ZNF829: variants seen among roughly 807,000 people sequenced by gnomAD.
The protein encoded by ZNF829 is zinc finger protein 829.
A neutral mutation model predicts 35.2 loss-of-function variants in ZNF829; 25 were observed. The observed-to-expected ratio is 0.71, with a 90% CI of 0.52 to 0.99. The LOEUF is 0.99. ZNF829 is among the 50% of genes least tolerant of loss of function. ZNF829 has a pLI of 0.00. For synonymous variants in ZNF829, 136 were observed against 163.2 expected, an observed-to-expected ratio of 0.83 and a Z score of 1.27; for missense variants, 417 against 515.3, an observed-to-expected ratio of 0.81 and a Z score of 1.85.
intron 5 of ZNF829, among the ~76,000 whole-genome samples, chr19:36,897,234 CA>C (rs999177813): frequency 6.6e-6 from 1 of 152,110 alleles, no homozygotes; most frequent in Non-Finnish European, 1.5e-5. Context: ...ATACCAAAAC[CA>C]GAGAAGGACA....
intron 5 of ZNF829, among the ~76,000 whole-genome samples, chr19:36,900,357 TA>T (rs112232974): frequency 0.052 from 6,905 of 132,166 alleles, 162 homozygotes; most frequent in South Asian, 0.15. Context: ...GACTCTGTCT[TA>T]AAAAAAAAAA....
At chr19:36,904,501 G>C (rs2073198989) in intron 5 of ZNF829, among the ~76,000 whole-genome samples, 1 of 152,174 alleles carries the variant, frequency 6.6e-6, no homozygotes, top group Admixed American at 6.5e-5. Context: ...CTGGGTTCAA[G>C]CGATTCTCCT....
In ZNF829 at chr19:36,892,213, A is replaced by C; in HGVS notation, c.578T>G (p.Phe193Cys). 1.9e-6 allele frequency: 3 copies of C among 1,614,116 alleles called. No individual in the cohort carries two copies. In the South Asian group the frequency reaches 3.3e-5, roughly 18 times the overall value. ...HYESKEYGKSFSRGSLVTRHQ... is the reference protein window; with the variant it reads ...HYESKEYGKSCSRGSLVTRHQ... ...TCGAGTAACGAGTGAGCCACGACTA[A>C]AGGACTTCCCATACTCCTTAGATTC... The change falls in exon 6 of 6, where the codon TTT (phenylalanine) becomes TGT (cysteine). Residue 193 changes from phenylalanine to cysteine, a missense_variant. Transcript: ENST00000391711.
At chr19:36,901,377 A>G (rs1425725479) in intron 5 of ZNF829, among the ~76,000 whole-genome samples, 24 of 152,164 alleles carry the variant, frequency 1.6e-4, no homozygotes, top group Admixed American at 1.6e-3. Context: ...TAACAGCTAG[A>G]GTGTACAGGG....
At position 36,916,118 on chromosome 19, in the gene ZNF829, C is replaced by T; in HGVS notation, c.-192G>A. 1 of 563,240 alleles carries T rather than the reference C, an allele frequency of 1.8e-6. No individual in the cohort carries two copies. The highest frequency in any genetic ancestry group is 3.1e-6 in the Non-Finnish European group (1 of 326,814). 34.9% of individuals were successfully genotyped at this position (563,240 alleles called of 1,614,324 possible). A position where few individuals can be genotyped will look rare whatever the true frequency, so the allele number is the denominator to read the frequency against. On this transcript the variant is annotated 5_prime_UTR_variant, in exon 1 of 6. It adds an upstream start codon to the 5' untranslated region. Coordinates refer to ENST00000391711, the MANE Select transcript of ZNF829 (RefSeq NM_001037232.4). This position sits in a 1 kb window ranked among gnomAD's most constrained non-coding sequence, Gnocchi z 5.3. The stretch of plus-strand genomic sequence containing the variant: ...GAAATGTAGTCCAGAGCGGGACCCA[C>T]GCCGATTCCTGTCAGCTCCTCGCCT...
chr19:36,914,833 GAGA>G, intron 3 of ZNF829, 129 bp downstream of exon 3: 1 of 758,616 alleles, frequency 1.3e-6, no homozygotes, highest in Non-Finnish European at 2.2e-6. Flanking sequence ...ATAAATATTT[GAGA>G]AGAAAATTCA....
At position 36,892,059 on chromosome 19, in the gene ZNF829, T is replaced by A; in HGVS notation, c.732A>T (p.Glu244Asp). The A allele has an allele frequency of 1.2e-6, 2 of 1,614,042 alleles. No homozygotes were observed. The highest frequency in any genetic ancestry group is 1.7e-6 in the Non-Finnish European group (2 of 1,179,980). The change falls in exon 6 of 6, where the codon GAA (glutamate) becomes GAT (aspartate). Residue 244 changes from glutamate (E) to aspartate (D), a missense_variant. Glu to Asp is a conservative substitution (Grantham distance 45). Coordinates refer to ENST00000391711, the MANE Select transcript of ZNF829 (RefSeq NM_001037232.4). The stretch of plus-strand genomic sequence containing the variant: ...AGCAATACTTAAAGGCTTTTCCACA[T>A]TCCTTACATTCATAGGGTTTCTCAC... ...HTGEKPYECKECGKAFKYCSN... is the reference protein window; with the variant it reads ...HTGEKPYECKDCGKAFKYCSN...
chr19:36,906,075 A>G (rs556021557), intron 5 of ZNF829: 1 of 152,316 alleles, frequency 6.6e-6, no homozygotes, highest in African/African-American at 2.4e-5. Context: ...CACAACACAT[A>G]CAAATACCAA....
intron 5 of ZNF829, among the ~76,000 whole-genome samples, chr19:36,894,761 AAAT>A (rs1381946108): frequency 6.6e-6 from 1 of 152,166 alleles, no homozygotes; most frequent in Admixed American, 6.5e-5. Context: ...AAAAAGTAAA[AAAT>A]AATAATTTTT....
chr19:36,914,098 A>G (rs996085176), intron 3 of ZNF829, among the ~76,000 whole-genome samples: 55 of 152,230 alleles, frequency 3.6e-4, no homozygotes, highest in African/African-American at 1.3e-3. Flanking sequence ...TTGCAACTAT[A>G]TAAAATATCT....
Position 36,903,014 on chromosome 19 carries a change from C to T in ZNF829, c.319+4915G>A, listed in dbSNP as rs142256665. ...TCACGCCATTGCACTCCAGCCTGGG[C>T]GACAGAGCGAATCTCCATCTCAAAA... On this transcript the variant is annotated intron_variant, in intron 5 of 5. Coordinates refer to ENST00000391711, the MANE Select transcript of ZNF829 (RefSeq NM_001037232.4). Among the ~76,000 whole-genome samples, 322 of 152,106 alleles carry T rather than the reference C, an allele frequency of 2.1e-3. 3 individuals carry two copies. The highest frequency in any genetic ancestry group is 7.5e-3 in the African/African-American group (310 of 41,494).
intron 3 of ZNF829, among the ~76,000 whole-genome samples, chr19:36,913,214 T>G (rs950729354): frequency 2.6e-5 from 4 of 152,136 alleles, no homozygotes; most frequent in African/African-American, 4.8e-5. Context: ...CACAAAATAC[T>G]TAGTTAGACT....
At chr19:36,895,523 C>A (rs995924625) in intron 5 of ZNF829, among the ~76,000 whole-genome samples, 3 of 152,036 alleles carry the variant, frequency 2.0e-5, no homozygotes, top group Admixed American at 6.6e-5. Context: ...TTAATAATAA[C>A]CTTGAATGTA....
At chr19:36,903,846 C>T (rs2073193114) in intron 5 of ZNF829, among the ~76,000 whole-genome samples, 1 of 149,490 alleles carries the variant, frequency 6.7e-6, no homozygotes, top group African/African-American at 2.5e-5. Flanking sequence ...GCCTGGGCAA[C>T]AAGAGTAAAA....
At chr19:36,905,250 C>T (rs552638074) in intron 5 of ZNF829, among the ~76,000 whole-genome samples, 60 of 152,014 alleles carry the variant, frequency 3.9e-4, no homozygotes, top group Admixed American at 1.8e-3. Flanking sequence ...TCTTAATAAG[C>T]CTACACATTT....
chr19:36,896,260 G>A (rs7255595), intron 5 of ZNF829, among the ~76,000 whole-genome samples: 38,374 of 151,044 alleles, frequency 0.25, 5,636 homozygotes, highest in Non-Finnish European at 0.34. Context: ...GAAGTGAGCC[G>A]GGTTCGCACC....
At chr19:36,902,034 C>A in intron 5 of ZNF829, 1 of 623,178 alleles carries the variant, frequency 1.6e-6, no homozygotes, top group Non-Finnish European at 2.9e-6. Flanking sequence ...GATGAAGATT[C>A]ACCAAATAAA....
intron 3 of ZNF829, among the ~76,000 whole-genome samples, chr19:36,912,366 A>G (rs2073271459): frequency 1.3e-5 from 2 of 152,160 alleles, no homozygotes; most frequent in African/African-American, 4.8e-5. Flanking sequence ...ACCCACAGAG[A>G]GGGTTGAGAG....
At chr19:36,895,865 A>C (rs1042675604) in intron 5 of ZNF829, among the ~76,000 whole-genome samples, 3 of 152,204 alleles carry the variant, frequency 2.0e-5, no homozygotes, top group African/African-American at 7.2e-5. Flanking sequence ...AAATATTATT[A>C]GATCTAAAAA....
Sources: allele counts gnomAD v4.1 joint callset (sites outside exome capture counted in the v4.1 genomes callset), GRCh38; gene constraint gnomAD v4.1.1; non-coding constraint Gnocchi (gnomAD v3.1); transcripts MANE v1.5; gene names NCBI Gene and HGNC (gene_info 2026-07-23, HGNC 2026-07-21).